Variants in NDST4 observed in about 807,000 individuals in gnomAD.
The protein encoded by NDST4 is N-deacetylase and N-sulfotransferase 4.
A neutral mutation model predicts 100.8 loss-of-function variants in NDST4; 63 were observed. The ratio of observed to expected loss-of-function variants is 0.62; its 90% CI spans 0.51 to 0.77. The LOEUF (loss-of-function observed/expected upper bound fraction) is 0.77, where lower values mean the gene tolerates loss of function less well. NDST4 is among the 30% of genes least tolerant of loss of function. NDST4 has a pLI of 0.00. For synonymous variants in NDST4, 377 were observed against 361.8 expected (o/e 1.04, Z -0.48); for missense variants, 943 against 1,018.4 (o/e 0.93, Z 1.01).
chr4:114,877,824 T>C (rs2389042), intron 6 of NDST4, among the ~76,000 whole-genome samples: 13,012 of 152,022 alleles, frequency 0.086, 1,638 homozygotes, highest in African/African-American at 0.27. Flanking sequence ...GACTAGCTCC[T>C]GCCTGTATTC....
intron 1 of NDST4, among the ~76,000 whole-genome samples, chr4:115,087,476 T>A (rs927104531): frequency 1.3e-5 from 2 of 152,032 alleles, no homozygotes; most frequent in African/African-American, 4.8e-5. Flanking sequence ...TTCCCTTTCC[T>A]ATTTCCCCTT....
intron 4 of NDST4, among the ~76,000 whole-genome samples, chr4:114,967,369 T>C (rs1726406308): frequency 6.6e-6 from 1 of 152,164 alleles, no homozygotes; most frequent in Admixed American, 6.5e-5. Context: ...GTGTAGTTTC[T>C]AGCCACGCTG....
rs1304397581 is a variant in NDST4, at chr4:114,848,476, A to G, written c.1817-138T>C. 8 of 622,280 alleles carry G rather than the reference A, an allele frequency of 1.3e-5. No homozygotes were observed. The African/African-American group carries it at 1.5e-4, about 12-fold the overall frequency. The allele number at this position is 622,280 out of a possible 1,614,324, so 38.5% of individuals were successfully genotyped here. ...AAGTGATTTCCTTAAAATCAACTAGATGCATTCCATGCAGCCACAATCTAA... is the reference window on the plus strand; with the variant it reads ...AAGTGATTTCCTTAAAATCAACTAGGTGCATTCCATGCAGCCACAATCTAA... On this transcript the variant is annotated intron_variant, in intron 8 of 13. Transcript: ENST00000264363.
intron 1 of NDST4, among the ~76,000 whole-genome samples, chr4:115,085,219 C>T (rs1397736313): frequency 6.6e-6 from 1 of 152,126 alleles, no homozygotes; most frequent in Non-Finnish European, 1.5e-5. Context: ...CAAAGTCTCC[C>T]ATTTGGAAGG....
intron 2 of NDST4, among the ~76,000 whole-genome samples, chr4:115,056,312 C>T (rs1578487032): frequency 1.3e-5 from 2 of 152,178 alleles, no homozygotes; most frequent in Middle Eastern, 3.4e-3. Flanking sequence ...ATGATCACTC[C>T]AGTCTGGGCA....
Position 114,839,469 on chromosome 4 carries a change from G to A in NDST4, c.2195C>T (p.Ser732Phe). ...EVISTGHWAP[S>F]DLKTLQRRCL... Reference sequence around the variant, plus strand: ...TCTTCTCTGCAAAGTTTTTAAGTCAGATGGAGCCCAATGTCCTGTTGAAAT... The same window carrying A: ...TCTTCTCTGCAAAGTTTTTAAGTCAAATGGAGCCCAATGTCCTGTTGAAAT... Residue 732 changes from serine (S) to phenylalanine (F), a missense_variant, in exon 11 of 14, where the codon TCT (serine) becomes TTT (phenylalanine). Ser to Phe is a radical substitution (Grantham distance 155). Transcript: ENST00000264363. 3 of 1,614,026 alleles carry A rather than the reference G, an allele frequency of 1.9e-6. No homozygotes were observed. Among genetic ancestry groups the A allele is most frequent in the South Asian group, 2.2e-5 (2 of 91,076 alleles).
intron 10 of NDST4, among the ~76,000 whole-genome samples, chr4:114,845,429 C>T (rs1392862178): frequency 6.6e-6 from 1 of 152,176 alleles, no homozygotes; most frequent in African/African-American, 2.4e-5. Context: ...CATTTTTCTA[C>T]TGCGATATTT....
chr4:114,831,206 C>T lies in NDST4; in HGVS notation c.2397-1314G>A, dbSNP rs1339585784. 4.1e-5 allele frequency among the ~76,000 whole-genome samples: 6 copies of T among 146,484 alleles called. No homozygotes were observed. In the East Asian group the frequency reaches 9.8e-4, roughly 24 times the overall value. On this transcript the variant is annotated intron_variant, in intron 12 of 13. Transcript: ENST00000264363. Reference sequence around the variant, plus strand: ...TACCTGGGACTACAGGCGCCCGCCACGGCGCCCGGCTAATTTTTTGTATTT... The same window carrying T: ...TACCTGGGACTACAGGCGCCCGCCATGGCGCCCGGCTAATTTTTTGTATTT...
chr4:115,063,732 C>A (rs753986328), intron 2 of NDST4, among the ~76,000 whole-genome samples: 2 of 151,810 alleles, frequency 1.3e-5, no homozygotes, highest in South Asian at 2.1e-4. Flanking sequence ...AGTGGACTTC[C>A]CCCAGGGCTT....
rs1727223042 is a variant in NDST4, at chr4:114,998,943, C to A, written c.979-21669G>T. Among the ~76,000 whole-genome samples, 3 of 151,790 alleles carry A rather than the reference C, an allele frequency of 2.0e-5. No individual in the cohort carries two copies. The South Asian group carries it at 6.2e-4, about 31-fold the overall frequency. The stretch of plus-strand genomic sequence containing the variant: ...CTATTGTGTGGCCTAAACTTTGGGT[C>A]GAGTTGAAAATGCATCTTGTTTATC... On this transcript the variant is annotated intron_variant, in intron 2 of 13. Transcript: ENST00000264363.
At chr4:115,093,245 G>A (rs529749798) in intron 1 of NDST4, among the ~76,000 whole-genome samples, 1 of 152,270 alleles carries the variant, frequency 6.6e-6, no homozygotes, top group South Asian at 2.1e-4. Context: ...GGAGGCCAAG[G>A]TGGGCAGATC....
intron 6 of NDST4, among the ~76,000 whole-genome samples, chr4:114,911,686 A>G (rs975026349): frequency 1.3e-5 from 2 of 152,162 alleles, no homozygotes; most frequent in Admixed American, 6.6e-5. Context: ...GAGGAAGAAA[A>G]TCATGAAAAT....
At chr4:114,910,102 A>G (rs1001835901) in intron 6 of NDST4, among the ~76,000 whole-genome samples, 3 of 152,178 alleles carry the variant, frequency 2.0e-5, no homozygotes, top group African/African-American at 7.2e-5. Flanking sequence ...AAAAGATACT[A>G]TGAGACTTGT....
At chr4:114,963,893 A>G (rs993063580) in intron 4 of NDST4, among the ~76,000 whole-genome samples, 2 of 152,190 alleles carry the variant, frequency 1.3e-5, no homozygotes, top group Non-Finnish European at 2.9e-5. Flanking sequence ...GTTAGATGTG[A>G]TAGGCAGCTT....
intron 2 of NDST4, among the ~76,000 whole-genome samples, chr4:114,981,245 G>C (rs1232194491): frequency 2.0e-5 from 3 of 151,174 alleles, no homozygotes. Flanking sequence ...AAGGAAGGAA[G>C]GAAGGAAGGA....
intron 2 of NDST4, among the ~76,000 whole-genome samples, chr4:115,023,747 T>C (rs182296614): frequency 1.3e-5 from 2 of 152,198 alleles, no homozygotes; most frequent in Non-Finnish European, 2.9e-5. Context: ...AAGAGATTCG[T>C]ATGGACAAAA....
chr4:114,861,775 G>T (rs1032995316), intron 7 of NDST4, among the ~76,000 whole-genome samples: 2 of 151,706 alleles, frequency 1.3e-5, no homozygotes, highest in Admixed American at 1.3e-4. Context: ...TTGCTGCCTG[G>T]TTCCTGCAAC....
chr4:115,072,149 G>T (rs900030841), intron 2 of NDST4, among the ~76,000 whole-genome samples: 1 of 151,980 alleles, frequency 6.6e-6, no homozygotes, highest in African/African-American at 2.4e-5. Context: ...AAAGACACAG[G>T]ATCTTGAAAG....
At chr4:114,935,844 A>T (rs1578399499) in intron 5 of NDST4, among the ~76,000 whole-genome samples, 2 of 152,150 alleles carry the variant, frequency 1.3e-5, no homozygotes, top group East Asian at 3.9e-4. Flanking sequence ...TTATTTAGTG[A>T]TTACTTCTGG....
Sources: gnomAD v4.1 joint callset for allele counts (sites outside exome capture counted in the v4.1 genomes callset) on GRCh38, gnomAD v4.1.1 for gene constraint, MANE v1.5 for transcripts, NCBI Gene and HGNC (gene_info 2026-07-23, HGNC 2026-07-21) for gene names.